NTRK3: variants seen among roughly 807,000 people sequenced by gnomAD.
NTRK3 encodes neurotrophic receptor tyrosine kinase 3.
A neutral mutation model predicts 91.7 loss-of-function variants in NTRK3; 24 were observed. The observed-to-expected ratio is 0.26, with a 90% CI of 0.19 to 0.37. The LOEUF (loss-of-function observed/expected upper bound fraction) is 0.37, where lower values mean the gene tolerates loss of function less well. Among genes scored for constraint, NTRK3 ranks in the 10% least tolerant of loss-of-function variants. The probability of loss-of-function intolerance (pLI) is 1.00; values close to 1 mark genes in which losing one functional copy is unlikely to be tolerated. For missense variants in NTRK3, 880 were observed against 1,068.9 expected (o/e 0.82, Z 2.46); for synonymous variants, 483 against 404.0 (o/e 1.20, Z -2.34).
Position 88,063,516 on chromosome 15 carries a change from C to T in NTRK3, c.1397-30471G>A, listed in dbSNP as rs1282085371. 2.0e-5 allele frequency among the ~76,000 whole-genome samples: 3 copies of T among 152,192 alleles called. No homozygotes were observed. In the East Asian group the frequency reaches 5.8e-4, roughly 29 times the overall value. On this transcript the variant is annotated intron_variant, in intron 13 of 18. Coordinates refer to ENST00000394480, the Ensembl canonical transcript of NTRK3. ...CCACTGGGTGTCTCTCTGCTGTGAT[C>T]GCAGAGCCCTGGCTGGTGGCTGTCA...
chr15:88,160,323 C>T (rs1025277898), intron 5 of NTRK3, among the ~76,000 whole-genome samples: 5 of 152,276 alleles, frequency 3.3e-5, no homozygotes, highest in Admixed American at 3.3e-4. Flanking sequence ...GGACCCATAC[C>T]CCTGGTTGCC....
rs1256516689 is a variant in NTRK3 at position 88,098,285 on chromosome 15, G to C, written c.1396+27986C>G. ...GAGTGGCCAAGGAAAAGGGAGGCAA[G>C]GTGAGAGAGTGGGATTTCAGAGAAT... On this transcript the variant is annotated intron_variant, in intron 13 of 18. Coordinates refer to ENST00000394480, the Ensembl canonical transcript of NTRK3. Among the ~76,000 whole-genome samples the C allele has an allele frequency of 1.3e-5, 2 of 152,194 alleles. 1 individual carries two copies. The highest frequency in any genetic ancestry group is 1.3e-4 in the Admixed American group (2 of 15,282).
intron 3 of NTRK3, among the ~76,000 whole-genome samples, chr15:88,213,885 G>C (rs2049484916): frequency 2.0e-5 from 3 of 151,616 alleles, no homozygotes; most frequent in African/African-American, 7.3e-5. Flanking sequence ...TTCGAGACCA[G>C]CCTGACAAAC....
chr15:88,061,451 C>T lies in NTRK3; in HGVS notation c.1397-28406G>A, dbSNP rs76046226. Among the ~76,000 whole-genome samples, 257 of 152,282 alleles carry T rather than the reference C, an allele frequency of 1.7e-3. 5 individuals carry two copies. In the East Asian group the frequency reaches 0.033, roughly 20 times the overall value. On this transcript the variant is annotated intron_variant, in intron 13 of 18. Transcript: ENST00000394480. ...CCACAAGGTGTGGGGTGGGTCAGCC[C>T]GTGGCTGCTAAGAGCATCTTGAATG...
intron 17 of NTRK3, among the ~76,000 whole-genome samples, chr15:87,907,199 C>T (rs16974120): frequency 0.039 from 5,868 of 152,144 alleles, 316 homozygotes; most frequent in African/African-American, 0.13. Context: ...AGTTTGAACC[C>T]GATGCGACTG....
At chr15:88,222,846 G>A (rs779578378) in intron 3 of NTRK3, among the ~76,000 whole-genome samples, 2 of 152,140 alleles carry the variant, frequency 1.3e-5, no homozygotes, top group South Asian at 2.1e-4. Flanking sequence ...TTAAGAAACC[G>A]AGGCCCAGGG....
exon 19 of NTRK3, chr15:87,860,804 A>G (rs966680910): frequency 9.3e-6 from 2 of 214,116 alleles, no homozygotes; most frequent in East Asian, 6.9e-5. Flanking sequence ...GGAGAAAAAC[A>G]AACGAGCATC....
At chr15:88,146,355 G>C (rs1265197980) in intron 6 of NTRK3, among the ~76,000 whole-genome samples, 3 of 152,168 alleles carry the variant, frequency 2.0e-5, no homozygotes, top group Non-Finnish European at 2.9e-5. Flanking sequence ...GAGGTCCAAG[G>C]TCATTGCCTC....
In NTRK3 at chr15:88,233,459, C is replaced by T. The variant is rs552095254; in HGVS notation, c.248+22447G>A. ...CATCCTGGGGAGAAGTGGCACCCCA[C>T]GAAAGTTAGCACACTGAAACCACAG... On this transcript the variant is annotated intron_variant, in intron 3 of 18. Coordinates refer to ENST00000394480, the Ensembl canonical transcript of NTRK3. The surrounding 1 kb of genome is among the most constrained non-coding windows in gnomAD (Gnocchi z 4.2). 6.6e-5 allele frequency among the ~76,000 whole-genome samples: 10 copies of T among 152,202 alleles called. No individual in the cohort carries two copies. Among genetic ancestry groups the T allele is most frequent in the African/African-American group, 2.2e-4 (9 of 41,514 alleles).
chr15:88,192,852 C>T (rs1309932729), intron 3 of NTRK3, among the ~76,000 whole-genome samples: 1 of 152,144 alleles, frequency 6.6e-6, no homozygotes, highest in African/African-American at 2.4e-5. Flanking sequence ...CTGCCCTGAC[C>T]CCACTGTGTT....
chr15:88,037,294 G>T (rs1347234746), intron 13 of NTRK3, among the ~76,000 whole-genome samples: 2 of 152,216 alleles, frequency 1.3e-5, no homozygotes, highest in African/African-American at 4.8e-5. Context: ...AGGCGCAGTG[G>T]TTTATGCTTG....
rs2141593226 is a variant in NTRK3, at chr15:87,894,106, T to C, written c.2134-13678A>G. ...ATGTCTATTCACATAGAAAAGTGGT[T>C]ATGTGCATTAAGAAAACATGAAAAA... On this transcript the variant is annotated intron_variant, in intron 17 of 18. Transcript: ENST00000394480. 2.6e-5 allele frequency among the ~76,000 whole-genome samples: 4 copies of C among 152,358 alleles called. No individual in the cohort carries two copies. In the Middle Eastern group the frequency reaches 0.01, roughly 389 times the overall value.
intron 13 of NTRK3, among the ~76,000 whole-genome samples, chr15:88,052,220 GTAGCCTGCACTC>G (rs1383385130): frequency 1.8e-3 from 272 of 152,312 alleles, no homozygotes; most frequent in African/African-American, 6.4e-3. Flanking sequence ...AGGACAGGAG[GTAGCCTGCACTC>G]AACACAGGGA....
chr15:88,212,528 C>G (rs946033797), intron 3 of NTRK3, among the ~76,000 whole-genome samples: 1 of 152,078 alleles, frequency 6.6e-6, no homozygotes, highest in Non-Finnish European at 1.5e-5. Context: ...GGTAAAGCTG[C>G]CATTTAGCTG....
chr15:88,116,410 C>T (rs1186308415), intron 13 of NTRK3, among the ~76,000 whole-genome samples: 1 of 150,968 alleles, frequency 6.6e-6, no homozygotes, highest in Non-Finnish European at 1.5e-5. Flanking sequence ...CATGGTGAAA[C>T]CCCGTATCTA....
At chr15:88,083,088 A>G (rs1382605277) in intron 13 of NTRK3, among the ~76,000 whole-genome samples, 2 of 152,222 alleles carry the variant, frequency 1.3e-5, no homozygotes, top group South Asian at 2.1e-4. Context: ...CCAGGAGACT[A>G]AAAGACTTTG....
At chr15:88,092,737 GC>G (rs2049141768) in intron 13 of NTRK3, among the ~76,000 whole-genome samples, 1 of 152,170 alleles carries the variant, frequency 6.6e-6, no homozygotes, top group African/African-American at 2.4e-5. Flanking sequence ...GTCTGTTTCA[GC>G]TTCTTTCTAG....
rs201808418 is a variant in NTRK3, at chr15:88,181,256, TA to T, written c.395+2161del. Among the ~76,000 whole-genome samples, 1,256 of 152,246 alleles carry T rather than the reference TA, an allele frequency of 8.2e-3. 16 individuals carry two copies. The highest frequency in any genetic ancestry group is 0.029 in the African/African-American group (1,192 of 41,532). On this transcript the variant is annotated intron_variant, in intron 5 of 18. Transcript: ENST00000394480. ...TGGTATCCTTGGGTCCTCCTCCAACTAGGTCCTCCTACCCACAAAGCCTTGG... is the reference window on the plus strand; with the variant it reads ...TGGTATCCTTGGGTCCTCCTCCAACTGGTCCTCCTACCCACAAAGCCTTGG...
chr15:87,951,651 A>G (rs1230739802), intron 14 of NTRK3, among the ~76,000 whole-genome samples: 1 of 152,246 alleles, frequency 6.6e-6, no homozygotes, highest in East Asian at 1.9e-4. Flanking sequence ...GTCCTTCCAC[A>G]GAGACTTGGG....
Sources: allele counts gnomAD v4.1 joint callset (sites outside exome capture counted in the v4.1 genomes callset), GRCh38; gene constraint gnomAD v4.1.1; non-coding constraint Gnocchi (gnomAD v3.1); transcripts MANE v1.5; gene names NCBI Gene and HGNC (gene_info 2026-07-23, HGNC 2026-07-21).